Variants in DLG2 observed in about 807,000 individuals in gnomAD.
DLG2 encodes the protein discs large MAGUK scaffold protein 2.
A neutral mutation model predicts 132.5 loss-of-function variants in DLG2; 45 were observed. That is an observed-to-expected ratio of 0.34 (90% CI 0.27 to 0.44). The LOEUF is 0.44. DLG2 is among the 20% of genes least tolerant of loss of function. The probability of loss-of-function intolerance (pLI) is 1.00; values close to 1 mark genes in which losing one functional copy is unlikely to be tolerated. For synonymous variants in DLG2, 424 were observed against 419.6 expected (o/e 1.01, Z -0.13); for missense variants, 1,045 against 1,196.9 (o/e 0.87, Z 1.87).
chr11:85,212,984 T>C (rs2082343804), intron 4 of DLG2, among the ~76,000 whole-genome samples: 1 of 152,158 alleles, frequency 6.6e-6, no homozygotes. Flanking sequence ...GCTGTAATTA[T>C]GGAGAATACA....
At chr11:84,803,157 G>A (rs1047219781) in intron 6 of DLG2, among the ~76,000 whole-genome samples, 1 of 152,110 alleles carries the variant, frequency 6.6e-6, no homozygotes, top group Non-Finnish European at 1.5e-5. Flanking sequence ...AAATTGTAAA[G>A]ATAAAATGAA....
intron 18 of DLG2, among the ~76,000 whole-genome samples, chr11:83,675,053 T>C (rs941703759): frequency 7.2e-5 from 11 of 152,224 alleles, no homozygotes; most frequent in Non-Finnish European, 1.5e-4. Flanking sequence ...TCCTCTTCTA[T>C]GCTGTAAAAG....
intron 9 of DLG2, among the ~76,000 whole-genome samples, chr11:84,146,488 A>G (rs575260158): frequency 3.9e-5 from 6 of 152,328 alleles, no homozygotes; most frequent in African/African-American, 1.4e-4. Flanking sequence ...GTACCAACAG[A>G]AATTAAAAGT....
chr11:84,145,858 AG>A (rs1222532960), intron 9 of DLG2, among the ~76,000 whole-genome samples: 1 of 152,168 alleles, frequency 6.6e-6, no homozygotes, highest in Non-Finnish European at 1.5e-5. Flanking sequence ...CAGCCCTTTG[AG>A]GTATGTTTAC....
At chr11:83,750,887 T>C (rs547385533) in intron 18 of DLG2, among the ~76,000 whole-genome samples, 16 of 152,342 alleles carry the variant, frequency 1.1e-4, no homozygotes, top group South Asian at 2.1e-4. Context: ...TATTTCTTTA[T>C]GCATTTAACA....
intron 4 of DLG2, among the ~76,000 whole-genome samples, chr11:85,248,059 G>C (rs1353075769): frequency 1.3e-5 from 2 of 152,038 alleles, no homozygotes; most frequent in Non-Finnish European, 2.9e-5. Context: ...TTCCATCCTA[G>C]AAATGTAGAC....
intron 7 of DLG2, among the ~76,000 whole-genome samples, chr11:84,372,335 C>A (rs1200596302): frequency 6.6e-6 from 1 of 152,054 alleles, no homozygotes; most frequent in African/African-American, 2.4e-5. Context: ...TAATTATACA[C>A]AACAAAGAAA....
intron 3 of DLG2, among the ~76,000 whole-genome samples, chr11:85,326,393 A>C (rs2081459969): frequency 8.2e-6 from 1 of 121,378 alleles, no homozygotes; most frequent in Non-Finnish European, 1.7e-5. Context: ...TTACCCTCAA[A>C]GGAAAGCCCA....
rs142582955 is a variant in DLG2 at position 85,417,738 on chromosome 11, G to A, written c.41-132373C>T. On this transcript the variant is annotated intron_variant, in intron 3 of 27. Coordinates refer to ENST00000376104, the MANE Select transcript of DLG2 (RefSeq NM_001142699.3). ...TTTTCTAGTTTATTTGCATAGAGGTGTTTACAGTATTCTCTGATGGTCATT... is the reference window on the plus strand; with the variant it reads ...TTTTCTAGTTTATTTGCATAGAGGTATTTACAGTATTCTCTGATGGTCATT... Among the ~76,000 whole-genome samples the A allele has an allele frequency of 5.8e-3, 880 of 152,210 alleles. 5 individuals are homozygous for A. Among genetic ancestry groups the A allele is most frequent in the Middle Eastern group, 0.01 (3 of 294 alleles).
intron 3 of DLG2, among the ~76,000 whole-genome samples, chr11:85,324,623 T>C (rs913464805): frequency 9.9e-5 from 15 of 152,200 alleles, no homozygotes; most frequent in Non-Finnish European, 1.6e-4. Flanking sequence ...CTAACATACC[T>C]GAAAACGGCT....
intron 3 of DLG2, among the ~76,000 whole-genome samples, chr11:85,297,277 C>T (rs2079292150): frequency 6.6e-6 from 1 of 152,080 alleles, no homozygotes; most frequent in African/African-American, 2.4e-5. Flanking sequence ...AGTATACTGC[C>T]TTTTGTTCTA....
In DLG2 at chr11:85,462,206, C is replaced by T. The variant is rs150664187; in HGVS notation, c.40+136451G>A. Among the ~76,000 whole-genome samples, 766 of 152,284 alleles carry T rather than the reference C, an allele frequency of 5.0e-3. 3 individuals carry two copies. Among genetic ancestry groups the T allele is most frequent in the African/African-American group, 0.016 (671 of 41,570 alleles). On this transcript the variant is annotated intron_variant, in intron 3 of 27. Transcript: ENST00000376104. ...GAACACTTCTACACTGTTGGTGGGACGGTAAACTAGTTCATCCTTTGTGGA... is the reference window on the plus strand; with the variant it reads ...GAACACTTCTACACTGTTGGTGGGATGGTAAACTAGTTCATCCTTTGTGGA...
At chr11:83,697,667 G>A (rs1462148654) in intron 18 of DLG2, among the ~76,000 whole-genome samples, 1 of 152,128 alleles carries the variant, frequency 6.6e-6, no homozygotes, top group Non-Finnish European at 1.5e-5. Flanking sequence ...ATGTCTTCGG[G>A]GCATGGCAGG....
intron 13 of DLG2, among the ~76,000 whole-genome samples, chr11:83,964,987 G>A (rs901015897): frequency 1.3e-5 from 2 of 151,932 alleles, no homozygotes; most frequent in Non-Finnish European, 2.9e-5. Flanking sequence ...ATCTGAAGTT[G>A]GAAGAAATAA....
chr11:84,988,241 A>T (rs2056714689), intron 6 of DLG2, among the ~76,000 whole-genome samples: 1 of 152,156 alleles, frequency 6.6e-6, no homozygotes, highest in South Asian at 2.1e-4. Context: ...ATAAAAACAG[A>T]TGTTGGTGTG....
chr11:84,563,116 T>C (rs2099433976), intron 6 of DLG2, among the ~76,000 whole-genome samples: 1 of 152,228 alleles, frequency 6.6e-6, no homozygotes, highest in African/African-American at 2.4e-5. Context: ...TTGGGCTGCA[T>C]TCCTTGTGCC....
intron 7 of DLG2, among the ~76,000 whole-genome samples, chr11:84,338,606 C>T (rs188055377): frequency 6.6e-6 from 1 of 152,140 alleles, no homozygotes; most frequent in African/African-American, 2.4e-5. Flanking sequence ...GGGAGTATCA[C>T]GAAGTCAGGA....
intron 3 of DLG2, among the ~76,000 whole-genome samples, chr11:85,550,426 T>C (rs1266490687): frequency 6.6e-6 from 1 of 152,218 alleles, no homozygotes; most frequent in Non-Finnish European, 1.5e-5. Context: ...CTTACTCTGG[T>C]TCCTGCACCC....
At chr11:84,054,785 C>A (rs1482383768) in intron 11 of DLG2, among the ~76,000 whole-genome samples, 1 of 152,060 alleles carries the variant, frequency 6.6e-6, no homozygotes, top group Non-Finnish European at 1.5e-5. Context: ...CACTGTTTCA[C>A]AGAATCTCTT....
Sources: gnomAD v4.1 joint callset for allele counts (sites outside exome capture counted in the v4.1 genomes callset) on GRCh38, gnomAD v4.1.1 for gene constraint, MANE v1.5 for transcripts, NCBI Gene and HGNC (gene_info 2026-07-23, HGNC 2026-07-21) for gene names.